GRID1: variants seen among roughly 807,000 people sequenced by gnomAD.
The protein encoded by GRID1 is glutamate ionotropic receptor delta type subunit 1.
GRID1 carries 28 observed loss-of-function variants against 98.0 expected under a neutral mutation model. The observed-to-expected ratio is 0.29, with a 90% CI of 0.21 to 0.39. GRID1 has a LOEUF of 0.39. GRID1 is among the 10% of genes least tolerant of loss of function. The probability of loss-of-function intolerance (pLI) is 1.00; values close to 1 mark genes in which losing one functional copy is unlikely to be tolerated. For missense variants in GRID1, 1,111 were observed against 1,340.5 expected, an observed-to-expected ratio of 0.83 and a Z score of 2.67; for synonymous variants, 553 against 538.5, an observed-to-expected ratio of 1.03 and a Z score of -0.37.
intron 8 of GRID1, among the ~76,000 whole-genome samples, chr10:85,803,625 A>G (rs1213927761): frequency 6.6e-6 from 1 of 152,102 alleles, no homozygotes; most frequent in African/African-American, 2.4e-5. Flanking sequence ...AAATAAAGAA[A>G]TTTAAGCAAC....
intron 15 of GRID1, chr10:85,606,254 G>A (rs369318907): frequency 6.6e-5 from 10 of 152,254 alleles, no homozygotes; most frequent in Admixed American, 1.3e-4. Context: ...GTTATCATTC[G>A]CCTTTAAAGT....
chr10:86,282,054 G>T (rs992955005), intron 2 of GRID1, among the ~76,000 whole-genome samples: 8 of 152,228 alleles, frequency 5.3e-5, no homozygotes, highest in Admixed American at 3.9e-4. Flanking sequence ...CCATCCCACA[G>T]AGTGGCGCCT....
intron 12 of GRID1, among the ~76,000 whole-genome samples, chr10:85,694,916 G>T (rs1171549302): frequency 1.3e-5 from 2 of 151,870 alleles, no homozygotes; most frequent in Non-Finnish European, 2.9e-5. Context: ...CACTACACAA[G>T]ATAGCCATGT....
intron 3 of GRID1, among the ~76,000 whole-genome samples, chr10:86,201,564 T>A (rs967132909): frequency 2.0e-5 from 3 of 151,332 alleles, no homozygotes; most frequent in Non-Finnish European, 4.4e-5. Context: ...AGAGAGAGGA[T>A]CAAGAAAAAC....
rs114371107 is a variant in GRID1 at position 85,754,110 on chromosome 10, G to C, written c.1234-24496C>G. Among the ~76,000 whole-genome samples, 922 of 152,298 alleles carry C rather than the reference G, an allele frequency of 6.1e-3. 8 individuals carry two copies. Among genetic ancestry groups the C allele is most frequent in the African/African-American group, 0.021 (858 of 41,556 alleles). ...TTTCACTCATGAGAGCACTGATCTT[G>C]TGAAATCTTCATACAAAGCCAGAAA... On this transcript the variant is annotated intron_variant, in intron 8 of 15. Coordinates refer to ENST00000327946, the MANE Select transcript of GRID1 (RefSeq NM_017551.3).
In GRID1 at chr10:85,798,152, G is replaced by A. The variant is rs184008198; in HGVS notation, c.1233+56344C>T. ...AGCAATGGGATTGCTGAGTTGAATG[G>A]TAGCTCTATTTTAAGTTCTTAACAA... On this transcript the variant is annotated intron_variant, in intron 8 of 15. Transcript: ENST00000327946. Among the ~76,000 whole-genome samples the A allele has an allele frequency of 1.3e-3, 192 of 152,276 alleles. 1 individual carries two copies. Among genetic ancestry groups the A allele is most frequent in the Non-Finnish European group, 2.2e-3 (151 of 68,024 alleles).
intron 4 of GRID1, among the ~76,000 whole-genome samples, chr10:86,137,771 T>G (rs1380431261): frequency 6.6e-6 from 1 of 152,126 alleles, no homozygotes; most frequent in Non-Finnish European, 1.5e-5. Context: ...GCAGAGAGCA[T>G]CAGGGCTGCC....
At chr10:86,075,861 G>A (rs74936247) in intron 4 of GRID1, among the ~76,000 whole-genome samples, 1,584 of 152,304 alleles carry the variant, frequency 0.01, 23 homozygotes, top group African/African-American at 0.036. Context: ...GGCACCATAG[G>A]GCAGCTAGAA....
intron 12 of GRID1, among the ~76,000 whole-genome samples, chr10:85,704,785 C>A (rs1841495857): frequency 6.6e-6 from 1 of 152,190 alleles, no homozygotes; most frequent in Admixed American, 6.5e-5. Flanking sequence ...GACCACAGTG[C>A]AATCAAACTA....
At chr10:85,685,994 C>T (rs1345205978) in intron 12 of GRID1, among the ~76,000 whole-genome samples, 1 of 151,708 alleles carries the variant, frequency 6.6e-6, no homozygotes, top group African/African-American at 2.4e-5. Context: ...AATAGAAAAA[C>T]CCATCGCATA....
chr10:85,871,771 G>T (rs1843280786), intron 5 of GRID1, among the ~76,000 whole-genome samples: 1 of 152,150 alleles, frequency 6.6e-6, no homozygotes, highest in African/African-American at 2.4e-5. Context: ...CTGGTCAGTT[G>T]AAACTGGGTG....
At chr10:86,051,823 T>C (rs1050249870) in intron 4 of GRID1, among the ~76,000 whole-genome samples, 2 of 152,242 alleles carry the variant, frequency 1.3e-5, no homozygotes, top group African/African-American at 4.8e-5. Flanking sequence ...CAGGCACGCT[T>C]ATACATTGCT....
intron 4 of GRID1, among the ~76,000 whole-genome samples, chr10:85,981,090 G>A (rs1000684295): frequency 2.0e-5 from 3 of 152,160 alleles, no homozygotes; most frequent in Non-Finnish European, 4.4e-5. Context: ...GATTCACCTT[G>A]GTAGCTCACA....
At position 85,928,701 on chromosome 10, in the gene GRID1, A is replaced by T. The variant is rs78735272; in HGVS notation, c.727-12462T>A. Among the ~76,000 whole-genome samples the T allele has an allele frequency of 3.2e-3, 486 of 152,308 alleles. 2 individuals are homozygous for T. The highest frequency in any genetic ancestry group is 0.011 in the African/African-American group (464 of 41,558). Reference sequence around the variant, plus strand: ...AAAATAATGAGTTATACACACAAACATACACCTACATTCCCTGTACTGGTT... The same window carrying T: ...AAAATAATGAGTTATACACACAAACTTACACCTACATTCCCTGTACTGGTT... On this transcript the variant is annotated intron_variant, in intron 4 of 15. Transcript: ENST00000327946.
At chr10:85,959,005 C>T (rs911263551) in intron 4 of GRID1, among the ~76,000 whole-genome samples, 1 of 151,570 alleles carries the variant, frequency 6.6e-6, no homozygotes, top group African/African-American at 2.4e-5. Context: ...GAAAAAGAAG[C>T]TGAGGAAGCG....
At chr10:86,187,517 C>T (rs996717624) in intron 3 of GRID1, among the ~76,000 whole-genome samples, 2 of 152,154 alleles carry the variant, frequency 1.3e-5, no homozygotes, top group African/African-American at 4.8e-5. Flanking sequence ...TGAGAATTAA[C>T]GAATATCCCT....
intron 8 of GRID1, among the ~76,000 whole-genome samples, chr10:85,791,067 G>A (rs1215397909): frequency 6.6e-6 from 1 of 152,212 alleles, no homozygotes; most frequent in Non-Finnish European, 1.5e-5. Flanking sequence ...CACCCATGGT[G>A]ACAGAAGCAC....
chr10:85,837,366 G>T (rs991243302), intron 8 of GRID1, among the ~76,000 whole-genome samples: 2 of 152,168 alleles, frequency 1.3e-5, no homozygotes, highest in Non-Finnish European at 2.9e-5. Flanking sequence ...TGCCACTATG[G>T]TGAATGCCCA....
intron 12 of GRID1, among the ~76,000 whole-genome samples, chr10:85,656,812 T>C (rs1590177484): frequency 1.3e-5 from 2 of 152,302 alleles, no homozygotes; most frequent in South Asian, 2.1e-4. Flanking sequence ...GACATTGAGA[T>C]AGTCTCTCTA....
Sources: allele counts gnomAD v4.1 joint callset (sites outside exome capture counted in the v4.1 genomes callset), GRCh38; gene constraint gnomAD v4.1.1; transcripts MANE v1.5; gene names NCBI Gene and HGNC (gene_info 2026-07-23, HGNC 2026-07-21).